PLD1: variants seen among roughly 807,000 people sequenced by gnomAD.
PLD1 encodes phospholipase D1.
PLD1 carries 112 observed loss-of-function variants against 137.1 expected under a neutral mutation model. The ratio of observed to expected loss-of-function variants is 0.82; its 90% CI spans 0.70 to 0.96. The LOEUF is 0.96. Ranked by LOEUF, PLD1 falls within the 40% of genes least tolerant of loss-of-function variation. The pLI is 0.00. For missense variants in PLD1, 1,321 were observed against 1,342.0 expected, an observed-to-expected ratio of 0.98 and a Z score of 0.24; for synonymous variants, 431 against 454.7, an observed-to-expected ratio of 0.95 and a Z score of 0.66.
intron 9 of PLD1, among the ~76,000 whole-genome samples, chr3:171,710,422 G>A (rs1424916158): frequency 1.3e-5 from 2 of 152,178 alleles, no homozygotes; most frequent in East Asian, 3.8e-4. Flanking sequence ...GTTTCGAGAT[G>A]AAACCGTTCC....
At chr3:171,721,302 G>A (rs1270750417) in intron 8 of PLD1, 1 of 152,418 alleles carries the variant, frequency 6.6e-6, no homozygotes, top group Non-Finnish European at 1.5e-5. Context: ...ACCAATTAGG[G>A]AAGGATAGAA....
At chr3:171,699,135 G>A (rs1315919625) in intron 12 of PLD1, among the ~76,000 whole-genome samples, 1 of 151,988 alleles carries the variant, frequency 6.6e-6, no homozygotes, top group African/African-American at 2.4e-5. Context: ...CTAGAAATAT[G>A]AATGCAGTCA....
chr3:171,747,064 G>C (rs527833533), intron 1 of PLD1, among the ~76,000 whole-genome samples: 2 of 152,258 alleles, frequency 1.3e-5, no homozygotes, highest in East Asian at 3.9e-4. Context: ...CACTTTAAGA[G>C]CTGTGGCACT....
rs780236189 is a variant in PLD1 at position 171,642,827 on chromosome 3, A to C, written c.2593+13T>G. On this transcript the variant is annotated intron_variant, in intron 23 of 26. Coordinates refer to ENST00000351298, the MANE Select transcript of PLD1 (RefSeq NM_002662.5). ...TAAAAAACAATGATATGAGAAAAAA[A>C]GCAGTTACTTACGCTCTGCTTTTAA... 4 of 1,501,508 alleles carry C rather than the reference A, an allele frequency of 2.7e-6. No individual in the cohort carries two copies. The African/African-American group carries it at 5.6e-5, about 21-fold the overall frequency. The allele number at this position is 1,501,508 out of a possible 1,614,324, so 93.0% of individuals were successfully genotyped here. A position where few individuals can be genotyped will look rare whatever the true frequency, so the allele number is the denominator to read the frequency against.
At chr3:171,704,312 TAA>T (rs1412885406) in intron 11 of PLD1, among the ~76,000 whole-genome samples, 1 of 152,200 alleles carries the variant, frequency 6.6e-6, no homozygotes, top group African/African-American at 2.4e-5. Flanking sequence ...GTTGGAACTT[TAA>T]GCCTGAACTG....
intron 1 of PLD1, among the ~76,000 whole-genome samples, chr3:171,755,053 G>C (rs1038630264): frequency 6.6e-6 from 1 of 152,034 alleles, no homozygotes; most frequent in Non-Finnish European, 1.5e-5. Flanking sequence ...ATCTCTGCTT[G>C]TATGTCCTTC....
At chr3:171,732,454 C>T (rs956930916) in intron 6 of PLD1, among the ~76,000 whole-genome samples, 3 of 152,150 alleles carry the variant, frequency 2.0e-5, no homozygotes, top group Non-Finnish European at 4.4e-5. Context: ...AATGGGACAG[C>T]TGGATGTATA....
At chr3:171,684,753 A>T (rs1310473156) in intron 16 of PLD1, among the ~76,000 whole-genome samples, 1 of 151,898 alleles carries the variant, frequency 6.6e-6, no homozygotes, top group African/African-American at 2.4e-5. Context: ...ATGCCACCAC[A>T]CTCAGCTAAT....
chr3:171,653,833 A>T (rs572570723), intron 21 of PLD1: 1 of 174,212 alleles, frequency 5.7e-6, no homozygotes, highest in African/African-American at 2.4e-5. Flanking sequence ...GCTACGTAGA[A>T]CAGATAATAT....
intron 9 of PLD1, among the ~76,000 whole-genome samples, chr3:171,710,871 T>TG (rs1717142777): frequency 1.6e-5 from 2 of 124,356 alleles, no homozygotes; most frequent in Non-Finnish European, 3.4e-5. Context: ...GGAAAACTGT[T>TG]CTTTTTTTTT....
chr3:171,688,583 C>G, intron 14 of PLD1, 93 bp downstream of exon 14: 1 of 983,938 alleles, frequency 1.0e-6, no homozygotes, highest in Non-Finnish European at 1.6e-6. Context: ...GACACCATCT[C>G]TTATTCAATG....
In PLD1 at chr3:171,680,814, C is replaced by T. The variant is rs555180152; in HGVS notation, c.1868-3120G>A. 5.3e-5 allele frequency among the ~76,000 whole-genome samples: 8 copies of T among 152,312 alleles called. No individual in the cohort carries two copies. The East Asian group carries it at 9.7e-4, about 18-fold the overall frequency. Reference sequence around the variant, plus strand: ...GCTGACTTCTCCACCCACCTCCCCACGGCTTCCCAGATCATGATGAAAATC... The same window carrying T: ...GCTGACTTCTCCACCCACCTCCCCATGGCTTCCCAGATCATGATGAAAATC... On this transcript the variant is annotated intron_variant, in intron 16 of 26. Coordinates refer to ENST00000351298, the MANE Select transcript of PLD1 (RefSeq NM_002662.5).
chr3:171,782,320 T>A (rs1722827310), intron 1 of PLD1, among the ~76,000 whole-genome samples: 1 of 152,082 alleles, frequency 6.6e-6, no homozygotes, highest in South Asian at 2.1e-4. Context: ...TTGAAAAGGG[T>A]TTGGATTGCA....
intron 1 of PLD1, among the ~76,000 whole-genome samples, chr3:171,782,034 G>T (rs1163436995): frequency 6.6e-6 from 1 of 152,170 alleles, no homozygotes; most frequent in Non-Finnish European, 1.5e-5. Flanking sequence ...CAGCAGCTCA[G>T]AAAGGAATGG....
At chr3:171,754,734 GATGGATGAAC>G (rs1287267041) in intron 1 of PLD1, among the ~76,000 whole-genome samples, 1 of 152,174 alleles carries the variant, frequency 6.6e-6, no homozygotes, top group Non-Finnish European at 1.5e-5. Context: ...TCTCCAGTGT[GATGGATGAAC>G]ATAAATATTA....
At chr3:171,737,708 T>G (rs1446394380) in intron 2 of PLD1, 49 bp from the exon 3 acceptor site, 3 of 1,406,854 alleles carry the variant, frequency 2.1e-6, no homozygotes, top group Non-Finnish European at 2.9e-6. Flanking sequence ...TTAGCATAAC[T>G]TGTCTTTTAC....
At chr3:171,749,708 T>C (rs1008896910) in intron 1 of PLD1, among the ~76,000 whole-genome samples, 1 of 152,164 alleles carries the variant, frequency 6.6e-6, no homozygotes, top group Admixed American at 6.5e-5. Flanking sequence ...GATTTCCAGC[T>C]TGAAGAAACA....
intron 8 of PLD1, among the ~76,000 whole-genome samples, chr3:171,723,447 T>C (rs761568558): frequency 6.6e-6 from 1 of 152,244 alleles, no homozygotes; most frequent in African/African-American, 2.4e-5. Context: ...AGTGCAGATA[T>C]ATCTTTGATA....
chr3:171,723,519 C>G (rs1212530008), intron 8 of PLD1, among the ~76,000 whole-genome samples: 1 of 152,164 alleles, frequency 6.6e-6, no homozygotes. Flanking sequence ...TATGGTAGCT[C>G]TATTTTGAGT....
Sources: allele counts gnomAD v4.1 joint callset (sites outside exome capture counted in the v4.1 genomes callset), GRCh38; gene constraint gnomAD v4.1.1; transcripts MANE v1.5; gene names NCBI Gene and HGNC (gene_info 2026-07-23, HGNC 2026-07-21).